The following RSRC1 variants were observed in gnomAD, a reference collection of about 807,000 sequenced individuals.
RSRC1 encodes the protein serine/Arginine-related protein 53.
A neutral mutation model predicts 49.1 loss-of-function variants in RSRC1; 39 were observed. The ratio of observed to expected loss-of-function variants is 0.79; its 90% CI spans 0.61 to 1.04. RSRC1 has a LOEUF of 1.04. Ranked by LOEUF, RSRC1 falls within the 50% of genes least tolerant of loss-of-function variation. The pLI is 0.00. For missense variants in RSRC1, 388 were observed against 402.4 expected, an observed-to-expected ratio of 0.96 and a Z score of 0.31; for synonymous variants, 143 against 130.8, an observed-to-expected ratio of 1.09 and a Z score of -0.63.
At chr3:158,434,653 C>A (rs1190506025) in intron 6 of RSRC1, among the ~76,000 whole-genome samples, 4 of 151,936 alleles carry the variant, frequency 2.6e-5, no homozygotes, top group African/African-American at 7.2e-5. Context: ...CTATACCCAA[C>A]TTGCAATGTG....
At chr3:158,351,062 T>G (rs2108232255) in intron 5 of RSRC1, among the ~76,000 whole-genome samples, 1 of 152,300 alleles carries the variant, frequency 6.6e-6, no homozygotes, top group Middle Eastern at 3.4e-3. Flanking sequence ...GCAACATAAA[T>G]CAGACTGCCT....
At chr3:158,302,445 G>T (rs529866530) in intron 5 of RSRC1, among the ~76,000 whole-genome samples, 2 of 151,854 alleles carry the variant, frequency 1.3e-5, no homozygotes, top group South Asian at 4.2e-4. Context: ...TTTTTAATTT[G>T]ATGAATAATC....
intron 3 of RSRC1, among the ~76,000 whole-genome samples, chr3:158,197,753 A>G (rs909354528): frequency 6.6e-6 from 1 of 152,106 alleles, no homozygotes; most frequent in Non-Finnish European, 1.5e-5. Context: ...TTATGTACCC[A>G]GTAGTCATTC....
chr3:158,175,167 GTTAC>G (rs917296226), intron 3 of RSRC1, among the ~76,000 whole-genome samples: 9 of 151,760 alleles, frequency 5.9e-5, no homozygotes, highest in African/African-American at 2.2e-4. Context: ...TAGGCAATTG[GTTAC>G]TTAATGATTT....
At chr3:158,373,907 C>T (rs1264841553) in intron 6 of RSRC1, among the ~76,000 whole-genome samples, 2 of 152,136 alleles carry the variant, frequency 1.3e-5, no homozygotes, top group East Asian at 1.9e-4. Flanking sequence ...GGCTTTTGCT[C>T]ACAGAAAATG....
At chr3:158,445,870 C>CA (rs1424210170) in intron 6 of RSRC1, among the ~76,000 whole-genome samples, 2 of 151,744 alleles carry the variant, frequency 1.3e-5, no homozygotes, top group Non-Finnish European at 2.9e-5. Context: ...ATGGGTTCAC[C>CA]AAAAAAATCA....
intron 1 of RSRC1, among the ~76,000 whole-genome samples, chr3:158,112,979 T>C (rs1315940587): frequency 6.6e-6 from 1 of 152,220 alleles, no homozygotes; most frequent in Non-Finnish European, 1.5e-5. Context: ...GATCTCATTC[T>C]TTTTTTGTGG....
At chr3:158,127,334 T>C (rs1715692879) in intron 3 of RSRC1, among the ~76,000 whole-genome samples, 2 of 152,122 alleles carry the variant, frequency 1.3e-5, no homozygotes, top group Non-Finnish European at 2.9e-5. Context: ...TGATGTCTTA[T>C]AGTCCCTTAG....
Position 158,123,912 on chromosome 3 carries a change from A to G in RSRC1, c.241A>G (p.Lys81Glu). Reference protein sequence around the residue: ...SSSSSYGSRRKRSRSRSRGRG... With the variant: ...SSSSSYGSRRERSRSRSRGRG... ...TAGCTCTTCTTATGGCTCCAGAAGGAAACGAAGTCGAAGTCGTTCAAGGGG... is the reference window on the plus strand; with the variant it reads ...TAGCTCTTCTTATGGCTCCAGAAGGGAACGAAGTCGAAGTCGTTCAAGGGG... The change falls in exon 3 of 10, where the codon AAA becomes GAA. Residue 81 changes from lysine to glutamate, a missense_variant. Lys to Glu is a moderately conservative substitution (Grantham distance 56). Coordinates refer to ENST00000611884, the MANE Select transcript of RSRC1 (RefSeq NM_001271838.2). The G allele has an allele frequency of 2.5e-6, 4 of 1,612,984 alleles. No individual in the cohort carries two copies. The highest frequency in any genetic ancestry group is 3.4e-6 in the Non-Finnish European group (4 of 1,179,308).
At chr3:158,511,702 A>T (rs1382223810) in intron 7 of RSRC1, among the ~76,000 whole-genome samples, 1 of 152,168 alleles carries the variant, frequency 6.6e-6, no homozygotes, top group East Asian at 1.9e-4. Context: ...CACCACACTG[A>T]CTTCCACCAT....
intron 5 of RSRC1, among the ~76,000 whole-genome samples, chr3:158,316,014 A>G (rs1161543121): frequency 6.6e-6 from 1 of 152,070 alleles, no homozygotes; most frequent in Admixed American, 6.5e-5. Flanking sequence ...TCCACTAAAA[A>G]TAAAAAAATT....
intron 5 of RSRC1, among the ~76,000 whole-genome samples, chr3:158,317,083 A>G (rs1472928754): frequency 6.6e-6 from 1 of 152,218 alleles, no homozygotes; most frequent in African/African-American, 2.4e-5. Context: ...TTGCTTATGA[A>G]TACATTAAAA....
chr3:158,517,865 A>G lies in RSRC1; in HGVS notation c.653-19227A>G, dbSNP rs148130688. Among the ~76,000 whole-genome samples the G allele has an allele frequency of 7.8e-3, 1,120 of 142,982 alleles. 23 individuals are homozygous for G. Among genetic ancestry groups the G allele is most frequent in the African/African-American group, 0.029 (1,087 of 38,020 alleles). The allele number at this position is 142,982 out of a possible 152,430, so 93.8% of individuals were successfully genotyped here. On this transcript the variant is annotated intron_variant, in intron 7 of 9. Coordinates refer to ENST00000611884, the MANE Select transcript of RSRC1 (RefSeq NM_001271838.2). The stretch of plus-strand genomic sequence containing the variant: ...GCAGTCCTCCTGCCTCTGCTTCGCA[A>G]AGTGAGGATTATAGGCATGGGCCAT...
At chr3:158,523,640 G>A (rs985894037) in intron 7 of RSRC1, among the ~76,000 whole-genome samples, 7 of 151,928 alleles carry the variant, frequency 4.6e-5, no homozygotes, top group Non-Finnish European at 1.5e-5. Flanking sequence ...AACTGAAGAC[G>A]AATGGGTGCC....
At chr3:158,386,873 C>T (rs572707895) in intron 6 of RSRC1, among the ~76,000 whole-genome samples, 12 of 149,640 alleles carry the variant, frequency 8.0e-5, no homozygotes, top group African/African-American at 2.9e-4. Context: ...GCAAAATCAT[C>T]GAAAAGAATG....
intron 4 of RSRC1, among the ~76,000 whole-genome samples, chr3:158,232,608 A>G (rs1723030298): frequency 6.6e-6 from 1 of 152,152 alleles, no homozygotes; most frequent in South Asian, 2.1e-4. Flanking sequence ...GAAGTGAACT[A>G]TGGCTTGTAT....
chr3:158,240,975 T>G (rs1306736580), intron 4 of RSRC1, among the ~76,000 whole-genome samples: 1 of 152,240 alleles, frequency 6.6e-6, no homozygotes, highest in Non-Finnish European at 1.5e-5. Flanking sequence ...ATAATTGTTC[T>G]ATTTTCTTAT....
At chr3:158,483,496 T>C (rs1738698660) in intron 7 of RSRC1, among the ~76,000 whole-genome samples, 1 of 152,054 alleles carries the variant, frequency 6.6e-6, no homozygotes. Flanking sequence ...AGAGAACCCA[T>C]GTGAAATGAG....
chr3:158,111,371 G>T (rs1714390350), intron 1 of RSRC1, among the ~76,000 whole-genome samples: 1 of 152,172 alleles, frequency 6.6e-6, no homozygotes, highest in African/African-American at 2.4e-5. Context: ...TCTGTTAATT[G>T]GCCTTGCCAA....
Sources: gnomAD v4.1 joint callset for allele counts (sites outside exome capture counted in the v4.1 genomes callset) on GRCh38, gnomAD v4.1.1 for gene constraint, MANE v1.5 for transcripts, NCBI Gene and HGNC (gene_info 2026-07-23, HGNC 2026-07-21) for gene names.